Variants in FAM161A observed in about 807,000 individuals in gnomAD.
FAM161A encodes protein FAM161A.
Under a neutral mutation model 70.9 loss-of-function variants are expected in FAM161A, and 57 were observed. The ratio of observed to expected loss-of-function variants is 0.80; its 90% CI spans 0.65 to 1.00. FAM161A has a LOEUF of 1.00. Among genes scored for constraint, FAM161A ranks in the 50% least tolerant of loss-of-function variants. The probability of loss-of-function intolerance (pLI) is 0.00; values close to 1 mark genes in which losing one functional copy is unlikely to be tolerated. For synonymous variants in FAM161A, 299 were observed against 295.7 expected (o/e 1.01, Z -0.12); for missense variants, 880 against 836.0 (o/e 1.05, Z -0.65).
At chr2:61,812,808 A>G in the FAM161A span, among the ~76,000 whole-genome samples, 884 of 150,084 alleles carry the variant, frequency 5.9e-3, 7 homozygotes, top group African/African-American at 0.02. Flanking sequence ...GGTGGCTCAC[A>G]CCTGTAATCC....
chr2:61,808,442 C>T, the FAM161A span, among the ~76,000 whole-genome samples: 6 of 151,774 alleles, frequency 4.0e-5, no homozygotes, highest in Non-Finnish European at 7.4e-5. Context: ...CTAGCTAATT[C>T]TTTGTATTTT....
rs962442172 is a variant in FAM161A, at chr2:61,826,661, C to T, written c.2007-62G>A. 4.2e-6 allele frequency: 6 copies of T among 1,442,958 alleles called. No individual in the cohort carries two copies. In the African/African-American group the frequency reaches 7.0e-5, roughly 17 times the overall value. 89.4% of individuals were successfully genotyped at this position (1,442,958 alleles called of 1,614,324 possible). ...ATGAGTTGGTTTAAAGGTAAACAAA[C>T]CCTCTGCAAGTATGCCACCGTGTAG... On this transcript the variant is annotated intron_variant, in intron 6 of 6. Coordinates refer to ENST00000404929, the MANE Select transcript of FAM161A (RefSeq NM_001201543.2).
intron 1 of FAM161A, 45 bp from the exon 2 acceptor site, chr2:61,842,405 G>T: frequency 8.1e-7 from 1 of 1,240,314 alleles, no homozygotes; most frequent in Non-Finnish European, 1.2e-6. Context: ...GGAGCTGAAA[G>T]ACAAATTAAG....
chr2:61,824,193 AT>A (rs5831622), downstream of FAM161A, among the ~76,000 whole-genome samples: 22,474 of 127,672 alleles, frequency 0.18, 2,005 homozygotes, highest in Middle Eastern at 0.29. Flanking sequence ...CGCCTGGCTA[AT>A]TTTTTTTTTT....
chr2:61,813,960 G>C, the FAM161A span, among the ~76,000 whole-genome samples: 1 of 152,142 alleles, frequency 6.6e-6, no homozygotes, highest in African/African-American at 2.4e-5. Context: ...CGAACCCTGA[G>C]GAGTTCTGAG....
chr2:61,832,254 A>C (rs528565227), intron 5 of FAM161A, among the ~76,000 whole-genome samples: 6 of 151,564 alleles, frequency 4.0e-5, no homozygotes, highest in African/African-American at 1.4e-4. Context: ...CACACACAAA[A>C]AAAAACCAAC....
intron 2 of FAM161A, among the ~76,000 whole-genome samples, chr2:61,840,838 G>C (rs1672996801): frequency 1.3e-5 from 2 of 152,048 alleles, no homozygotes; most frequent in Non-Finnish European, 1.5e-5. Flanking sequence ...TTTTAGTAGA[G>C]ACAGGGTTTT....
chr2:61,803,717 G>A, the FAM161A span, among the ~76,000 whole-genome samples: 2 of 152,198 alleles, frequency 1.3e-5, no homozygotes, highest in Admixed American at 1.3e-4. Context: ...AGGAAGCTGA[G>A]GCAGGAGAAT....
At chr2:61,832,604 A>G (rs1164442440) in intron 5 of FAM161A, among the ~76,000 whole-genome samples, 1 of 152,172 alleles carries the variant, frequency 6.6e-6, no homozygotes, top group East Asian at 1.9e-4. Flanking sequence ...GTGGCCTGTT[A>G]GGAACCAGGC....
the FAM161A span, among the ~76,000 whole-genome samples, chr2:61,808,194 GAGGTTTC>G: frequency 6.6e-6 from 1 of 152,184 alleles, no homozygotes; most frequent in East Asian, 1.9e-4. Flanking sequence ...GAAGTATTTT[GAGGTTTC>G]AGTTATTAAC....
chr2:61,801,566 T>C, the FAM161A span, among the ~76,000 whole-genome samples: 1 of 137,218 alleles, frequency 7.3e-6, no homozygotes, highest in African/African-American at 2.9e-5. Context: ...TTGGTTTTTT[T>C]GGTTTTTTTT....
the FAM161A span, among the ~76,000 whole-genome samples, chr2:61,802,509 C>T: frequency 1.6e-4 from 24 of 152,108 alleles, no homozygotes; most frequent in East Asian, 2.3e-3. Flanking sequence ...ACATAATCAC[C>T]GTAAAGTGCT....
At chr2:61,832,724 C>T (rs1266168870) in intron 5 of FAM161A, among the ~76,000 whole-genome samples, 1 of 152,162 alleles carries the variant, frequency 6.6e-6, no homozygotes, top group Non-Finnish European at 1.5e-5. Flanking sequence ...GTGCTCATGC[C>T]AGGGATCTAG....
intron 1 of FAM161A, chr2:61,846,746 A>G (rs1673228593): frequency 3.1e-6 from 1 of 319,770 alleles, no homozygotes; most frequent in African/African-American, 2.3e-5. Context: ...TAGAGGAGAA[A>G]GATGGGACTT....
At chr2:61,815,009 C>T in the FAM161A span, among the ~76,000 whole-genome samples, 1 of 152,144 alleles carries the variant, frequency 6.6e-6, no homozygotes, top group South Asian at 2.1e-4. Flanking sequence ...GAGTGATCAG[C>T]TCCGTTTATC....
At chr2:61,803,604 A>G in the FAM161A span, among the ~76,000 whole-genome samples, 1 of 152,366 alleles carries the variant, frequency 6.6e-6, no homozygotes, top group East Asian at 1.9e-4. Context: ...TCACAAGGTC[A>G]GGAGTTCAAG....
the FAM161A span, among the ~76,000 whole-genome samples, chr2:61,804,776 A>AAGAAAGAAAG: frequency 7.0e-6 from 1 of 143,350 alleles, no homozygotes; most frequent in Admixed American, 6.9e-5. Context: ...AAGAGAAAGA[A>AAGAAAGAAAG]AGAAAGAAAG....
chr2:61,803,618 A>G, the FAM161A span, among the ~76,000 whole-genome samples: 3 of 152,246 alleles, frequency 2.0e-5, no homozygotes, highest in Non-Finnish European at 4.4e-5. Context: ...GTTCAAGATC[A>G]GCCTGGCCAA....
intron 5 of FAM161A, among the ~76,000 whole-genome samples, chr2:61,830,306 A>G (rs896676601): frequency 2.0e-5 from 3 of 152,180 alleles, no homozygotes; most frequent in Non-Finnish European, 4.4e-5. Context: ...GGCAGATCCA[A>G]AAATTATTTA....
Sources: allele counts gnomAD v4.1 joint callset (sites outside exome capture counted in the v4.1 genomes callset), GRCh38; gene constraint gnomAD v4.1.1; transcripts MANE v1.5; gene names NCBI Gene and HGNC (gene_info 2026-07-23, HGNC 2026-07-21).